Variants in OR4C6 observed in about 807,000 individuals in gnomAD.
OR4C6 encodes olfactory receptor 4C6.
OR4C6 carries 20 observed loss-of-function variants against 13.9 expected under a neutral mutation model. The observed-to-expected ratio is 1.43, with a 90% CI of 1.01 to 2.08. The LOEUF (loss-of-function observed/expected upper bound fraction) is 2.08, where lower values mean the gene tolerates loss of function less well. Ranked by LOEUF, OR4C6 falls within the 30% of genes most tolerant of loss-of-function variation. The probability of loss-of-function intolerance (pLI) is 0.00; values close to 1 mark genes in which losing one functional copy is unlikely to be tolerated. For missense variants in OR4C6, 555 were observed against 381.2 expected (o/e 1.46, Z -3.80); for synonymous variants, 193 against 141.5 (o/e 1.36, Z -2.58).
rs766037280 is a variant in OR4C6 at position 55,665,121 on chromosome 11, T to A, written c.-42-4T>A. 1 of 1,187,148 alleles carries A rather than the reference T, an allele frequency of 8.4e-7. No individual in the cohort carries two copies. The highest frequency in any genetic ancestry group is 1.4e-5 in the South Asian group (1 of 71,588). 73.5% of individuals were successfully genotyped at this position (1,187,148 alleles called of 1,614,324 possible). A position where few individuals can be genotyped will look rare whatever the true frequency, so the allele number is the denominator to read the frequency against. ...TAATTATAAATCATATCTTGCTTAT[T>A]TAGGATTCTCAACTCTCAGCTGGAA... On this transcript the variant is annotated splice_polypyrimidine_tract_variant and splice_region_variant and intron_variant, in intron 1 of 1. Coordinates refer to ENST00000314259, the MANE Select transcript of OR4C6 (RefSeq NM_001004704.2).
chr11:55,666,038 A>C lies in OR4C6; in HGVS notation c.872A>C (p.Glu291Ala). Reference sequence around the variant, plus strand: ...TTGATCTATACACTGAGGAATGCAGAGGTGAAAAGTGCCATGAAGAAACTC... The same window carrying C: ...TTGATCTATACACTGAGGAATGCAGCGGTGAAAAGTGCCATGAAGAAACTC... Reference protein sequence around the residue: ...NPLIYTLRNAEVKSAMKKLWM... With the variant: ...NPLIYTLRNAAVKSAMKKLWM... The change falls in exon 2 of 2, where the codon GAG becomes GCG. Residue 291 changes from glutamate to alanine, a missense_variant. Physicochemically the swap from Glu to Ala is moderately radical, Grantham distance 107. Transcript: ENST00000314259. The C allele has an allele frequency of 6.2e-7, 1 of 1,613,818 alleles. No individual in the cohort carries two copies. The highest frequency in any genetic ancestry group is 8.5e-7 in the Non-Finnish European group (1 of 1,179,894).
intron 1 of OR4C6, among the ~76,000 whole-genome samples, chr11:55,663,078 C>G (rs964298061): frequency 7.2e-6 from 1 of 138,232 alleles, no homozygotes; most frequent in Non-Finnish European, 1.6e-5. Context: ...AAATTGAGGA[C>G]TGGGGAGGTT....
Position 55,666,051 on chromosome 11 carries a change from C to A in OR4C6, c.885C>A (p.Ala295=), listed in dbSNP as rs1221699554. The part of the protein sequence containing the change: ...YTLRNAEVKS[A]MKKLWMKWEA... ...TGAGGAATGCAGAGGTGAAAAGTGC[C>A]ATGAAGAAACTCTGGATGAAATGGG... Residue 295 remains alanine (A), a synonymous_variant, in exon 2 of 2, where the codon GCC becomes GCA. Transcript: ENST00000314259. 23 of 1,613,380 alleles carry A rather than the reference C, an allele frequency of 1.4e-5. No homozygotes were observed. Among genetic ancestry groups the A allele is most frequent in the Non-Finnish European group, 1.9e-5 (22 of 1,179,806 alleles).
chr11:55,665,462 T>C lies in OR4C6; in HGVS notation c.296T>C (p.Leu99Pro). 1 of 1,613,874 alleles carries C rather than the reference T, an allele frequency of 6.2e-7. No individual in the cohort carries two copies. The highest frequency in any genetic ancestry group is 1.1e-5 in the South Asian group (1 of 91,082). The part of the protein sequence containing the change: ...TISLKGCLTQ[L>P]FVEHFFGGVG... ...TCTCTCAAAGGCTGCCTCACCCAGCTGTTTGTGGAGCATTTCTTTGGTGGT... is the reference window on the plus strand; with the variant it reads ...TCTCTCAAAGGCTGCCTCACCCAGCCGTTTGTGGAGCATTTCTTTGGTGGT... The change falls in exon 2 of 2, where the codon CTG becomes CCG. Residue 99 changes from leucine (L) to proline (P), a missense_variant. Leu to Pro is a moderately conservative substitution (Grantham distance 98). Transcript: ENST00000314259.
Position 55,665,193 on chromosome 11 carries a change from A to G in OR4C6, c.27A>G (p.Glu9=). ...TGGAAAATCAAAACAATGTGACTGA[A>G]TTCATTCTTCTGGGTCTCACAGAGA... The part of the protein sequence containing the change: MENQNNVT[E]FILLGLTENL... The change falls in exon 2 of 2, where the codon GAA becomes GAG. Residue 9 remains glutamate, a synonymous_variant. Transcript: ENST00000314259. 1 of 1,611,798 alleles carries G rather than the reference A, an allele frequency of 6.2e-7. No homozygotes were observed. The highest frequency in any genetic ancestry group is 8.5e-7 in the Non-Finnish European group (1 of 1,178,780).
chr11:55,662,807 G>T (rs1858686596), intron 1 of OR4C6, among the ~76,000 whole-genome samples: 1 of 138,556 alleles, frequency 7.2e-6, no homozygotes, highest in African/African-American at 2.5e-5. Flanking sequence ...GCCATCAGGT[G>T]AAAATACTGG....
intron 1 of OR4C6, among the ~76,000 whole-genome samples, chr11:55,663,977 C>G (rs766681007): frequency 7.2e-6 from 1 of 138,058 alleles, no homozygotes; most frequent in Non-Finnish European, 1.6e-5. Context: ...GCAGGTTTTT[C>G]TCTTGGTTGC....
At position 55,665,738 on chromosome 11, in the gene OR4C6, A is replaced by T. The variant is rs112579144; in HGVS notation, c.572A>T (p.His191Leu). 15 of 1,613,982 alleles carry T rather than the reference A, an allele frequency of 9.3e-6. No individual in the cohort carries two copies. In the African/African-American group the frequency reaches 1.2e-4, roughly 13 times the overall value. ...TTGACACTTGCCTGCACGGACACCC[A>T]CATCCTGGGCCTCTTAGTTACCCTC... ...QLLTLACTDT[H>L]ILGLLVTLNS... The change falls in exon 2 of 2, where the codon CAC (histidine) becomes CTC (leucine). Residue 191 changes from histidine to leucine, a missense_variant. Coordinates refer to ENST00000314259, the MANE Select transcript of OR4C6 (RefSeq NM_001004704.2).
At chr11:55,664,995 G>A (rs1383812989) in intron 1 of OR4C6, 130 bp from the exon 2 acceptor site, 6 of 562,644 alleles carry the variant, frequency 1.1e-5, no homozygotes, top group African/African-American at 5.7e-5. Flanking sequence ...TATTTATTTA[G>A]CACATTCTTA....
At chr11:55,662,285 G>C (rs1270744773) in intron 1 of OR4C6, 37 bp downstream of exon 1, 1 of 138,402 alleles carries the variant, frequency 7.2e-6, no homozygotes, top group African/African-American at 2.5e-5. Flanking sequence ...GAATTGTCTA[G>C]GAATACACAG....
At position 55,665,406 on chromosome 11, in the gene OR4C6, T is replaced by G; in HGVS notation, c.240T>G (p.Ile80Met). The G allele has an allele frequency of 1.2e-6, 2 of 1,613,846 alleles. No individual in the cohort carries two copies. Among genetic ancestry groups the G allele is most frequent in the Non-Finnish European group, 1.7e-6 (2 of 1,179,962 alleles). Residue 80 changes from isoleucine (I) to methionine (M), a missense_variant, in exon 2 of 2, where the codon ATT (isoleucine) becomes ATG (methionine). Coordinates refer to ENST00000314259, the MANE Select transcript of OR4C6 (RefSeq NM_001004704.2). ...CATCTGTCGTTGCCCCCAAGGTGAT[T>G]GTAGACACCCTCTCCAAGAGCACTA... ...MFSSVVAPKVIVDTLSKSTTI... is the reference protein window; with the variant it reads ...MFSSVVAPKVMVDTLSKSTTI...
Position 55,665,456 on chromosome 11 carries a change from C to T in OR4C6, c.290C>T (p.Thr97Ile). The change falls in exon 2 of 2, where the codon ACC (threonine) becomes ATC (isoleucine). Residue 97 changes from threonine to isoleucine, a missense_variant. Thr to Ile is a moderately conservative substitution (Grantham distance 89, BLOSUM62 -1). Coordinates refer to ENST00000314259, the MANE Select transcript of OR4C6 (RefSeq NM_001004704.2). ...STTISLKGCL[T>I]QLFVEHFFGG... is the part of the protein sequence containing the mutation. The stretch of plus-strand genomic sequence containing the variant: ...ACCATCTCTCTCAAAGGCTGCCTCA[C>T]CCAGCTGTTTGTGGAGCATTTCTTT... The T allele has an allele frequency of 8.1e-6, 13 of 1,613,900 alleles. No individual in the cohort carries two copies. Among genetic ancestry groups the T allele is most frequent in the Non-Finnish European group, 1.1e-5 (13 of 1,180,008 alleles).
chr11:55,664,317 G>A (rs1470870047), intron 1 of OR4C6, among the ~76,000 whole-genome samples: 1 of 152,046 alleles, frequency 6.6e-6, no homozygotes, highest in Non-Finnish European at 1.5e-5. Context: ...AGGAAACAGA[G>A]GAAACTGAAA....
intron 1 of OR4C6, among the ~76,000 whole-genome samples, chr11:55,662,504 T>G (rs146623925): frequency 7.2e-6 from 1 of 139,100 alleles, no homozygotes; most frequent in African/African-American, 2.5e-5. Flanking sequence ...CTCTGAGATA[T>G]GTGGAAGAAG....
In OR4C6 at chr11:55,665,341, T is replaced by G. The variant is rs774549114; in HGVS notation, c.175T>G (p.Phe59Val). ...TCAGAGTCTGAGGTCACCTATGTAT[T>G]TTTTTCTTACCTTCTTGTCCCTTTT... ...TSQSLRSPMY[F>V]FLTFLSLLDV... Residue 59 changes from phenylalanine to valine, a missense_variant, in exon 2 of 2, where the codon TTT becomes GTT. Coordinates refer to ENST00000314259, the MANE Select transcript of OR4C6 (RefSeq NM_001004704.2). The G allele has an allele frequency of 1.2e-6, 2 of 1,613,708 alleles. No homozygotes were observed. Among genetic ancestry groups the G allele is most frequent in the African/African-American group, 1.3e-5 (1 of 74,716 alleles).
At position 55,665,289 on chromosome 11, in the gene OR4C6, A is replaced by C. The variant is rs998458729; in HGVS notation, c.123A>C (p.Leu41=). 2.0e-5 allele frequency: 32 copies of C among 1,612,708 alleles called. No homozygotes were observed. The highest frequency in any genetic ancestry group is 2.5e-5 in the Non-Finnish European group (29 of 1,179,070). Residue 41 remains leucine, a synonymous_variant, in exon 2 of 2, where the codon CTA becomes CTC. Coordinates refer to ENST00000314259, the MANE Select transcript of OR4C6 (RefSeq NM_001004704.2). ...VMYVATVLEN[L]LIVVTIITSQ... is the part of the protein sequence containing the mutation. ...ATGTAGCCACAGTGCTGGAAAATCT[A>C]CTTATTGTGGTAACTATTATCACAA...
At chr11:55,663,714 C>T (rs34293156) in intron 1 of OR4C6, among the ~76,000 whole-genome samples, 7,090 of 137,908 alleles carry the variant, frequency 0.051, 1,516 homozygotes, top group Middle Eastern at 0.087. Context: ...CAAGAAAGTA[C>T]TCAGTCCTGG....
chr11:55,662,377 T>C (rs1858682300), intron 1 of OR4C6, 129 bp downstream of exon 1: 1 of 138,536 alleles, frequency 7.2e-6, no homozygotes, highest in Admixed American at 7.8e-5. Context: ...AGAGATTTAC[T>C]TTCACACATG....
intron 1 of OR4C6, among the ~76,000 whole-genome samples, chr11:55,663,469 CAT>C (rs1490341799): frequency 2.9e-5 from 4 of 138,046 alleles, no homozygotes; most frequent in African/African-American, 1.0e-4. Context: ...TACCCAGAGA[CAT>C]AAACAATTAA....
Sources: gnomAD v4.1 joint callset for allele counts (sites outside exome capture counted in the v4.1 genomes callset) on GRCh38, gnomAD v4.1.1 for gene constraint, MANE v1.5 for transcripts, NCBI Gene and HGNC (gene_info 2026-07-23, HGNC 2026-07-21) for gene names.